Variants in IQCH observed in about 807,000 individuals in gnomAD.
IQCH encodes IQ domain-containing protein H.
In IQCH, 98 loss-of-function variants were observed where a neutral mutation model predicts 117.0. The ratio of observed to expected loss-of-function variants is 0.84; its 90% confidence interval spans 0.71 to 0.99. The LOEUF is 0.99. Ranked by LOEUF, IQCH falls within the 50% of genes least tolerant of loss-of-function variation. The pLI is 0.00. For missense variants in IQCH, 1,102 were observed against 1,243.8 expected (o/e 0.89, Z 1.72); for synonymous variants, 412 against 448.2 (o/e 0.92, Z 1.02).
chr15:67,478,234 A>G (rs764471847), intron 18 of IQCH, among the ~76,000 whole-genome samples: 41 of 152,140 alleles, frequency 2.7e-4, no homozygotes, highest in Non-Finnish European at 4.6e-4. Context: ...AAAATACAAA[A>G]ATTAGCTGGG....
At chr15:67,480,687 A>G (rs1185353288) in intron 18 of IQCH, among the ~76,000 whole-genome samples, 1 of 152,204 alleles carries the variant, frequency 6.6e-6, no homozygotes, top group Non-Finnish European at 1.5e-5. Flanking sequence ...ATTAACGGAA[A>G]GCAGAAGGAT....
intron 20 of IQCH, among the ~76,000 whole-genome samples, chr15:67,498,583 T>C (rs1256211944): frequency 6.8e-6 from 1 of 147,862 alleles, no homozygotes; most frequent in Non-Finnish European, 1.5e-5. Context: ...ACCACTGCAC[T>C]CCAGCCTGGG....
At position 67,273,273 on chromosome 15, in the gene IQCH, G is replaced by A. The variant is rs552228253; in HGVS notation, c.270-6122G>A. Among the ~76,000 whole-genome samples, 5 of 151,802 alleles carry A rather than the reference G, an allele frequency of 3.3e-5. No homozygotes were observed. In the East Asian group the frequency reaches 9.7e-4, roughly 29 times the overall value. On this transcript the variant is annotated intron_variant, in intron 3 of 20. Coordinates refer to ENST00000335894, the MANE Select transcript of IQCH (RefSeq NM_001031715.3). ...TTTAGTAGAGACAGGGTTTCACCAT[G>A]TTGCCAGGCTGGTCTCAAACTCCTG...
intron 5 of IQCH, among the ~76,000 whole-genome samples, chr15:67,338,656 C>T (rs1045888269): frequency 1.3e-5 from 2 of 152,158 alleles, no homozygotes; most frequent in African/African-American, 4.8e-5. Flanking sequence ...CCTACTTTTT[C>T]TTGAATACCT....
chr15:67,352,001 G>A (rs1468876604), intron 6 of IQCH, among the ~76,000 whole-genome samples: 1 of 151,806 alleles, frequency 6.6e-6, no homozygotes, highest in Non-Finnish European at 1.5e-5. Context: ...CTTCCATCTA[G>A]ACTGTTTCTG....
intron 4 of IQCH, chr15:67,307,022 A>G: frequency 3.7e-6 from 5 of 1,342,168 alleles, no homozygotes; most frequent in Non-Finnish European, 4.8e-6. Flanking sequence ...CATGAATTTT[A>G]AAAGAACAAT....
At chr15:67,378,036 G>T (rs896898668) in intron 10 of IQCH, among the ~76,000 whole-genome samples, 2 of 152,092 alleles carry the variant, frequency 1.3e-5, no homozygotes, top group Non-Finnish European at 2.9e-5. Flanking sequence ...GAAAGGATAG[G>T]GAAACTTACT....
intron 16 of IQCH, among the ~76,000 whole-genome samples, chr15:67,446,051 G>A (rs2082383981): frequency 6.6e-6 from 1 of 152,120 alleles, no homozygotes; most frequent in African/African-American, 2.4e-5. Flanking sequence ...CAGGACACAA[G>A]GACATTTCTA....
In IQCH at chr15:67,430,491, G is replaced by T. The variant is rs1030125195; in HGVS notation, c.2505+8914G>T. ...TTATTTGCTATACATGCACACAATTGTTTTATACTTGTATTGATTCATAGG... is the reference window on the plus strand; with the variant it reads ...TTATTTGCTATACATGCACACAATTTTTTTATACTTGTATTGATTCATAGG... On this transcript the variant is annotated intron_variant, in intron 16 of 20. Transcript: ENST00000335894. This position sits in a 1 kb window ranked among gnomAD's most constrained non-coding sequence, Gnocchi z 5.1. The T allele has an allele frequency of 6.6e-6, 1 of 152,018 alleles. No individual in the cohort carries two copies. Among genetic ancestry groups the T allele is most frequent in the African/African-American group, 2.4e-5 (1 of 41,380 alleles). 9.4% of individuals were successfully genotyped at this position (152,018 alleles called of 1,614,324 possible). A position where few individuals can be genotyped will look rare whatever the true frequency, so the allele number is the denominator to read the frequency against.
chr15:67,347,799 CTATA>C lies in IQCH; in HGVS notation c.637+3619_637+3622del, dbSNP rs979282354. Among the ~76,000 whole-genome samples, 20 of 142,460 alleles carry C rather than the reference CTATA, an allele frequency of 1.4e-4. No homozygotes were observed. In the South Asian group the frequency reaches 3.3e-3, roughly 23 times the overall value. 93.5% of individuals were successfully genotyped at this position (142,460 alleles called of 152,430 possible). On this transcript the variant is annotated intron_variant, in intron 6 of 20. Coordinates refer to ENST00000335894, the MANE Select transcript of IQCH (RefSeq NM_001031715.3). ...TAGCAAATTGAATCTAGTGCTCTGT[CTATA>C]TATATATATAGATATATATTTATAT...
rs1971808238 is a variant in IQCH, at chr15:67,404,565, T to A, written c.2097+4260T>A. The A allele has an allele frequency of 6.6e-6, 1 of 152,252 alleles. No individual in the cohort carries two copies. Among genetic ancestry groups the A allele is most frequent in the Non-Finnish European group, 1.5e-5 (1 of 68,048 alleles). The allele number at this position is 152,252 out of a possible 1,614,324, so 9.4% of individuals were successfully genotyped here. A position where few individuals can be genotyped will look rare whatever the true frequency, so the allele number is the denominator to read the frequency against. On this transcript the variant is annotated intron_variant, in intron 14 of 20. Transcript: ENST00000335894. The surrounding 1 kb of genome is among the most constrained non-coding windows in gnomAD (Gnocchi z 4.6). Reference sequence around the variant, plus strand: ...CATAATCACTGTCCCCAAACATAGTTGTTTTCATTTTTGTATATTAATTTC... The same window carrying A: ...CATAATCACTGTCCCCAAACATAGTAGTTTTCATTTTTGTATATTAATTTC...
At chr15:67,419,333 C>T (rs186642334) in intron 15 of IQCH, among the ~76,000 whole-genome samples, 41 of 152,254 alleles carry the variant, frequency 2.7e-4, no homozygotes, top group Admixed American at 2.1e-3. Context: ...GCCTTTCTCT[C>T]GACCCAGTGC....
chr15:67,366,472 A>G lies in IQCH; in HGVS notation c.754-5639A>G, dbSNP rs1970337019. Among the ~76,000 whole-genome samples, 2 of 152,284 alleles carry G rather than the reference A, an allele frequency of 1.3e-5. No homozygotes were observed. The highest frequency in any genetic ancestry group is 4.1e-4 in the South Asian group (2 of 4,824). On this transcript the variant is annotated intron_variant, in intron 8 of 20. Transcript: ENST00000335894. This position sits in a 1 kb window ranked among gnomAD's most constrained non-coding sequence, Gnocchi z 4.4. ...GTTTTTGTTCCATGAGAATGCATCA[A>G]AGGATGGGGATTTTTCTCCTCAGGA...
intron 8 of IQCH, among the ~76,000 whole-genome samples, chr15:67,367,827 T>C (rs2140773766): frequency 6.6e-6 from 1 of 152,298 alleles, no homozygotes. Context: ...ATAGTACTTA[T>C]TCTCCTTCCT....
chr15:67,462,072 T>G (rs1283901673), intron 16 of IQCH, among the ~76,000 whole-genome samples: 2 of 151,816 alleles, frequency 1.3e-5, no homozygotes, highest in African/African-American at 4.8e-5. Flanking sequence ...TCAAGTGGCT[T>G]CCTGCCTTGG....
At chr15:67,340,607 A>G (rs937871940) in intron 5 of IQCH, among the ~76,000 whole-genome samples, 35 of 152,192 alleles carry the variant, frequency 2.3e-4, no homozygotes, top group African/African-American at 8.2e-4. Flanking sequence ...CTATATTGCC[A>G]TGAAAAGTAG....
chr15:67,307,815 G>A (rs1007062318), intron 4 of IQCH, among the ~76,000 whole-genome samples: 4 of 152,060 alleles, frequency 2.6e-5, no homozygotes, highest in South Asian at 2.1e-4. Context: ...GCTAGATATG[G>A]GAAAGTGAAG....
intron 16 of IQCH, among the ~76,000 whole-genome samples, chr15:67,451,794 T>G (rs2082534783): frequency 6.6e-6 from 1 of 152,198 alleles, no homozygotes; most frequent in South Asian, 2.1e-4. Context: ...ACTTTCTGTC[T>G]CGTCGATCTG....
At chr15:67,363,563 AC>A (rs1236534975) in intron 8 of IQCH, among the ~76,000 whole-genome samples, 12 of 152,044 alleles carry the variant, frequency 7.9e-5, no homozygotes, top group African/African-American at 2.9e-4. Flanking sequence ...TATTTTTTCA[AC>A]TTTTAGGTTC....
Sources: gnomAD v4.1 joint callset for allele counts (sites outside exome capture counted in the v4.1 genomes callset) on GRCh38, gnomAD v4.1.1 for gene constraint, Gnocchi (gnomAD v3.1) non-coding constraint, MANE v1.5 for transcripts, NCBI Gene and HGNC (gene_info 2026-07-23, HGNC 2026-07-21) for gene names.